The following IGF2R variants were observed in gnomAD, a reference collection of about 807,000 sequenced individuals.
The protein encoded by IGF2R is insulin like growth factor 2 receptor, also known as cation-independent mannose-6-phosphate receptor.
In IGF2R, 91 loss-of-function variants were observed where a neutral mutation model predicts 270.6. The ratio of observed to expected loss-of-function variants is 0.34; its 90% confidence interval spans 0.28 to 0.40. The LOEUF (loss-of-function observed/expected upper bound fraction) is 0.40. Ranked by LOEUF, IGF2R falls within the 10% of genes least tolerant of loss-of-function variation. IGF2R has a pLI of 1.00. For synonymous variants in IGF2R, 1,316 were observed against 1,258.9 expected (o/e 1.05, Z -0.96); for missense variants, 2,805 against 3,188.3 (o/e 0.88, Z 2.90).
chr6:160,105,203 G>A lies in IGF2R; in HGVS notation c.*119G>A. 2.2e-6 allele frequency: 2 copies of A among 890,260 alleles called. No individual in the cohort carries two copies. The highest frequency in any genetic ancestry group is 2.7e-5 in the East Asian group (1 of 37,292). 55.1% of individuals were successfully genotyped at this position (890,260 alleles called of 1,614,324 possible). A position where few individuals can be genotyped will look rare whatever the true frequency, so the allele number is the denominator to read the frequency against. On this transcript the variant is annotated 3_prime_UTR_variant, in exon 48 of 48. Transcript: ENST00000356956. ...GCCTTTAACAGAAACTTTCAAAAGG[G>A]AAGAGTTTTTGTGATGGGGGAGAGG... is the stretch of plus-strand genomic sequence containing the variant.
intron 6 of IGF2R, 105 bp downstream of exon 6, chr6:160,027,419 C>A: frequency 7.8e-7 from 1 of 1,280,990 alleles, no homozygotes; most frequent in Non-Finnish European, 1.1e-6. Context: ...TGGGATAGTC[C>A]CTGCAGCATT....
chr6:160,077,733 G>T (rs942623318), intron 36 of IGF2R, among the ~76,000 whole-genome samples: 1 of 152,086 alleles, frequency 6.6e-6, no homozygotes, highest in African/African-American at 2.4e-5. Flanking sequence ...TTTTTTTGTT[G>T]CTGTTGAATG....
At chr6:160,072,964 C>A (rs1778776420) in intron 33 of IGF2R, 80 bp downstream of exon 33, 1 of 1,521,284 alleles carries the variant, frequency 6.6e-7, no homozygotes, top group Non-Finnish European at 8.8e-7. Context: ...ATGCTAATGG[C>A]AAAAAGGATG....
At chr6:160,075,421 G>A (rs1778836565) in intron 35 of IGF2R, among the ~76,000 whole-genome samples, 1 of 152,212 alleles carries the variant, frequency 6.6e-6, no homozygotes, top group Non-Finnish European at 1.5e-5. Flanking sequence ...TGGGCAGTGA[G>A]GGTGGCAGGT....
rs192463037 is a variant in IGF2R at position 160,010,876 on chromosome 6, A to G, written c.513+91A>G. 4 of 726,268 alleles carry G rather than the reference A, an allele frequency of 5.5e-6. No homozygotes were observed. The East Asian group carries it at 1.1e-4, about 20-fold the overall frequency. 45.0% of individuals were successfully genotyped at this position (726,268 alleles called of 1,614,324 possible). On this transcript the variant is annotated intron_variant, in intron 4 of 47. Transcript: ENST00000356956. Reference sequence around the variant, plus strand: ...CTGATTCTAACCTTTCCGGGTGAAAATCTTTTTTAGCTTCCAAATTGCATT... The same window carrying G: ...CTGATTCTAACCTTTCCGGGTGAAAGTCTTTTTTAGCTTCCAAATTGCATT...
Position 160,110,219 on chromosome 6 carries a change from C to G in IGF2R, c.*5135C>G, listed in dbSNP as rs1779714409. ...TGACCATCCACTGGGAAATTCCCTT[C>G]TGTGGCGAGGTTCTGTTGTTTTCCA... On this transcript the variant is annotated 3_prime_UTR_variant, in exon 48 of 48. Coordinates refer to ENST00000356956, the MANE Select transcript of IGF2R (RefSeq NM_000876.4). The G allele has an allele frequency of 6.6e-6, 1 of 152,224 alleles. No homozygotes were observed. The highest frequency in any genetic ancestry group is 2.4e-5 in the African/African-American group (1 of 41,452). 9.4% of individuals were successfully genotyped at this position (152,224 alleles called of 1,614,324 possible). A position where few individuals can be genotyped will look rare whatever the true frequency, so the allele number is the denominator to read the frequency against.
intron 37 of IGF2R, among the ~76,000 whole-genome samples, 156 bp from the exon 38 acceptor site, chr6:160,079,424 A>G (rs1339698108): frequency 6.6e-6 from 1 of 152,188 alleles, no homozygotes; most frequent in Non-Finnish European, 1.5e-5. Flanking sequence ...GGGAAAGCCT[A>G]GGGCCAAGGC....
At position 159,970,057 on chromosome 6, in the gene IGF2R, C is replaced by T. The variant is rs1783586431; in HGVS notation, c.149+662C>T. ...TGACCCTTCACTTCTCTGAGCCCAACTTCCTGCCTGGTTGCTCACATGATG... is the reference window on the plus strand; with the variant it reads ...TGACCCTTCACTTCTCTGAGCCCAATTTCCTGCCTGGTTGCTCACATGATG... On this transcript the variant is annotated intron_variant, in intron 1 of 47. Transcript: ENST00000356956. 2.6e-5 allele frequency among the ~76,000 whole-genome samples: 4 copies of T among 152,272 alleles called. No homozygotes were observed. The South Asian group carries it at 8.3e-4, about 32-fold the overall frequency.
rs541658012 is a variant in IGF2R at position 160,090,249 on chromosome 6, C to G, written c.6655+146C>G. ...TAATTCTTTACTTTGTTATGAATTT[C>G]TTGACAGTGGATTGAGCGATACGTG... is the stretch of plus-strand genomic sequence containing the variant. On this transcript the variant is annotated intron_variant, in intron 44 of 47. Coordinates refer to ENST00000356956, the MANE Select transcript of IGF2R (RefSeq NM_000876.4). 19 of 546,216 alleles carry G rather than the reference C, an allele frequency of 3.5e-5. No individual in the cohort carries two copies. In the South Asian group the frequency reaches 6.0e-4, roughly 17 times the overall value. The allele number at this position is 546,216 out of a possible 1,614,324, so 33.8% of individuals were successfully genotyped here. A position where few individuals can be genotyped will look rare whatever the true frequency, so the allele number is the denominator to read the frequency against.
chr6:160,081,595 G>C (rs1778983617), intron 39 of IGF2R, among the ~76,000 whole-genome samples: 2 of 152,318 alleles, frequency 1.3e-5, no homozygotes, highest in Non-Finnish European at 2.9e-5. Context: ...TAGCAAGCCT[G>C]GGGGCGCTGC....
Position 160,072,878 on chromosome 6 carries a change from G to T in IGF2R, c.4684G>T (p.Gly1562Cys), listed in dbSNP as rs1778774085. 5.6e-6 allele frequency: 9 copies of T among 1,612,048 alleles called. No individual in the cohort carries two copies. The highest frequency in any genetic ancestry group is 7.6e-6 in the Non-Finnish European group (9 of 1,178,986). Residue 1562 changes from glycine to cysteine, a missense_variant, in exon 33 of 48, where the codon GGC (glycine) becomes TGC (cysteine). Around this residue, in one of 2 missense-constraint regions of IGF2R, gnomAD observed 1,851 missense variants for 2,207.2 expected, o/e 0.84. Coordinates refer to ENST00000356956, the MANE Select transcript of IGF2R (RefSeq NM_000876.4). ...TGGGGAGAATGAAAACTGCCCTCCTGGCGTGGGTGAGTGCTGTGGTCTCTC... is the reference window on the plus strand; with the variant it reads ...TGGGGAGAATGAAAACTGCCCTCCTTGCGTGGGTGAGTGCTGTGGTCTCTC... ...ICGENENCPP[G>C]VGACFGQTRI...
intron 1 of IGF2R, among the ~76,000 whole-genome samples, chr6:159,987,729 A>G (rs117210428): frequency 3.4e-3 from 514 of 152,352 alleles, no homozygotes; most frequent in Non-Finnish European, 5.3e-3. Flanking sequence ...CCGTTGAAAC[A>G]TCAGAATGTT....
chr6:159,980,886 A>G (rs1783789509), intron 1 of IGF2R, among the ~76,000 whole-genome samples: 1 of 152,046 alleles, frequency 6.6e-6, no homozygotes, highest in Non-Finnish European at 1.5e-5. Context: ...CCCATCTACA[A>G]CTCTTCTTTA....
At chr6:160,100,784 T>A in intron 45 of IGF2R, among the ~76,000 whole-genome samples, 1 of 92,558 alleles carries the variant, frequency 1.1e-5, no homozygotes, top group South Asian at 3.7e-4. Flanking sequence ...TTTTTTTTTT[T>A]TTTTTTTTTT....
intron 1 of IGF2R, among the ~76,000 whole-genome samples, chr6:159,977,194 A>T (rs1783708141): frequency 6.6e-6 from 1 of 151,938 alleles, no homozygotes; most frequent in African/African-American, 2.4e-5. Context: ...TTCTGCTCTG[A>T]TTGCTCTATT....
chr6:160,069,864 G>A lies in IGF2R; in HGVS notation c.4253-4G>A. 6.2e-7 allele frequency: 1 copy of A among 1,613,398 alleles called. No individual in the cohort carries two copies. The highest frequency in any genetic ancestry group is 1.1e-5 in the South Asian group (1 of 91,016). On this transcript the variant is annotated splice_region_variant and splice_polypyrimidine_tract_variant and intron_variant, in intron 30 of 47. Transcript: ENST00000356956. ...GCAACTCTTTCTTGTGTCTGGTGCT[G>A]CAGAGCCGTGCCCTCCAGAAGCAGC... is the stretch of plus-strand genomic sequence containing the variant.
intron 11 of IGF2R, among the ~76,000 whole-genome samples, chr6:160,042,292 T>C (rs1032962422): frequency 6.6e-6 from 1 of 152,214 alleles, no homozygotes; most frequent in Non-Finnish European, 1.5e-5. Context: ...TGGTTTCTTT[T>C]AGGCTGTTGA....
intron 2 of IGF2R, chr6:160,003,602 G>A (rs1784164374): frequency 1.3e-5 from 2 of 152,104 alleles, no homozygotes; most frequent in Admixed American, 1.3e-4. Context: ...AATTATATGT[G>A]TACATTATAT....
chr6:160,023,413 A>G (rs1777480790), intron 4 of IGF2R, among the ~76,000 whole-genome samples: 1 of 152,144 alleles, frequency 6.6e-6, no homozygotes, highest in Admixed American at 6.5e-5. Context: ...TCAAAGGCTC[A>G]TTTTAAATTT....
Sources: gnomAD v4.1 joint callset for allele counts (sites outside exome capture counted in the v4.1 genomes callset) on GRCh38, gnomAD v4.1.1 for gene constraint, gnomAD v4.1.1 regional missense constraint, MANE v1.5 for transcripts, NCBI Gene and HGNC (gene_info 2026-07-23, HGNC 2026-07-21) for gene names.